Variants in EDC3 observed in about 807,000 individuals in gnomAD.
EDC3 encodes enhancer of mRNA-decapping protein 3.
EDC3 carries 20 observed loss-of-function variants against 41.8 expected under a neutral mutation model. The observed-to-expected ratio is 0.48, with a 90% CI of 0.34 to 0.70. EDC3 has a LOEUF of 0.70. Among genes scored for constraint, EDC3 ranks in the 30% least tolerant of loss-of-function variants. The pLI is 0.01. For synonymous variants in EDC3, 206 were observed against 243.2 expected, an observed-to-expected ratio of 0.85 and a Z score of 1.42; for missense variants, 444 against 636.8, an observed-to-expected ratio of 0.70 and a Z score of 3.26.
At chr15:74,676,163 A>C (rs187671521) in intron 1 of EDC3, among the ~76,000 whole-genome samples, 7 of 152,342 alleles carry the variant, frequency 4.6e-5, no homozygotes, top group African/African-American at 1.7e-4. Flanking sequence ...TATGGGTAAA[A>C]GAAGAAATCA....
intron 1 of EDC3, among the ~76,000 whole-genome samples, chr15:74,693,493 A>T (rs2063031404): frequency 6.6e-6 from 1 of 152,244 alleles, no homozygotes; most frequent in Non-Finnish European, 1.5e-5. Flanking sequence ...AAATCCAATA[A>T]GCAAACCTTC....
chr15:74,694,765 A>G (rs1031610224), intron 1 of EDC3, among the ~76,000 whole-genome samples: 3 of 152,184 alleles, frequency 2.0e-5, no homozygotes, highest in South Asian at 2.1e-4. Flanking sequence ...CAGGGGCACA[A>G]TAAGTCATGA....
Position 74,653,121 on chromosome 15 carries a change from G to A in EDC3, c.820+2612C>T, listed in dbSNP as rs550151513. Among the ~76,000 whole-genome samples, 88 of 151,424 alleles carry A rather than the reference G, an allele frequency of 5.8e-4. 1 individual carries two copies. The highest frequency in any genetic ancestry group is 1.7e-3 in the African/African-American group (71 of 41,294). ...CTTGAACCTGGGAGGTAGAGGTTGC[G>A]GTGCGCTGAGAGCTGAGATCACGCC... is the stretch of plus-strand genomic sequence containing the variant. On this transcript the variant is annotated intron_variant, in intron 4 of 6. Transcript: ENST00000315127.
At chr15:74,675,357 TA>T (rs1214718265) in intron 1 of EDC3, among the ~76,000 whole-genome samples, 2 of 151,960 alleles carry the variant, frequency 1.3e-5, no homozygotes, top group African/African-American at 4.8e-5. Context: ...AAAGATCTTA[TA>T]ATTGCTTTAA....
At chr15:74,633,645 G>A (rs530972726) in intron 6 of EDC3, among the ~76,000 whole-genome samples, 51 of 152,276 alleles carry the variant, frequency 3.3e-4, no homozygotes, top group Non-Finnish European at 1.5e-4. Flanking sequence ...TCCTGTACTG[G>A]CCTAAGAAGT....
intron 1 of EDC3, among the ~76,000 whole-genome samples, chr15:74,675,540 G>GATA (rs921441181): frequency 2.0e-5 from 3 of 148,470 alleles, no homozygotes; most frequent in Non-Finnish European, 3.0e-5. Context: ...TGCTGATGAT[G>GATA]ATAATAATAA....
chr15:74,680,709 G>C (rs755699532), intron 1 of EDC3, among the ~76,000 whole-genome samples: 8 of 152,192 alleles, frequency 5.3e-5, no homozygotes, highest in Admixed American at 1.3e-4. Context: ...CCCATTTGCA[G>C]ATGACATAAC....
At position 74,675,024 on chromosome 15, in the gene EDC3, G is replaced by C; in HGVS notation, c.101C>G (p.Thr34Ser). Residue 34 changes from threonine (T) to serine (S), a missense_variant, in exon 2 of 7, where the codon ACC becomes AGC. Physicochemically the swap from Thr to Ser is moderately conservative, Grantham distance 58. This residue lies in a region of EDC3 where 200 missense variants were observed against 244.0 expected (regional missense o/e 0.82). Transcript: ENST00000315127. Reference protein sequence around the residue: ...RVSAVDQVSQTISLTRPFHNG... With the variant: ...RVSAVDQVSQSISLTRPFHNG... ...ATGGAAAGGCCGGGTGAGAGAAATG[G>C]TCTGGCTGACCTGATCCACAGCTGA... 6.2e-7 allele frequency: 1 copy of C among 1,614,094 alleles called. No homozygotes were observed. Among genetic ancestry groups the C allele is most frequent in the Non-Finnish European group, 8.5e-7 (1 of 1,180,026 alleles).
chr15:74,638,326 C>CTTTTTTTTTTT (rs60846010), intron 5 of EDC3: 4 of 92,618 alleles, frequency 4.3e-5, no homozygotes, highest in Non-Finnish European at 6.1e-5. Flanking sequence ...AACTTCAGAT[C>CTTTTTTTTTTT]TTTTTTTTTT....
intron 5 of EDC3, chr15:74,639,639 C>T (rs2062322398): frequency 6.6e-6 from 1 of 151,192 alleles, no homozygotes; most frequent in Admixed American, 6.6e-5. Context: ...TGCTCAAGCT[C>T]AGGAGGTGGA....
intron 5 of EDC3, chr15:74,638,104 T>C (rs2141577192): frequency 6.6e-6 from 1 of 152,324 alleles, no homozygotes; most frequent in Non-Finnish European, 1.5e-5. Flanking sequence ...CAAAGACTAT[T>C]TCCTTGGTTC....
At chr15:74,660,107 G>GA (rs1192054116) in intron 3 of EDC3, among the ~76,000 whole-genome samples, 6 of 151,626 alleles carry the variant, frequency 4.0e-5, no homozygotes, top group Non-Finnish European at 8.8e-5. Context: ...TCAGGAGGCT[G>GA]AGATGGGAGG....
At chr15:74,684,838 T>C (rs1453392225) in intron 1 of EDC3, among the ~76,000 whole-genome samples, 1 of 152,108 alleles carries the variant, frequency 6.6e-6, no homozygotes, top group African/African-American at 2.4e-5. Flanking sequence ...AGGCCAGGCA[T>C]GGTGGCTCAT....
At chr15:74,677,154 C>G (rs1442135619) in intron 1 of EDC3, 2 of 151,550 alleles carry the variant, frequency 1.3e-5, no homozygotes, top group Non-Finnish European at 2.9e-5. Context: ...CCTCCACCTC[C>G]CGGGTTCAAG....
At chr15:74,649,325 CATT>C (rs1166676007) in intron 4 of EDC3, among the ~76,000 whole-genome samples, 1 of 152,002 alleles carries the variant, frequency 6.6e-6, no homozygotes, top group Non-Finnish European at 1.5e-5. Context: ...GATGGGGTCT[CATT>C]ATGTTGCTTA....
intron 4 of EDC3, chr15:74,641,804 C>G (rs2062355356): frequency 6.5e-6 from 1 of 153,132 alleles, no homozygotes; most frequent in Non-Finnish European, 1.5e-5. Context: ...TCAGCCTTCG[C>G]CTTCTCAACT....
In EDC3 at chr15:74,682,567, G is replaced by T. The variant is rs143828975; in HGVS notation, c.-18-7425C>A. Among the ~76,000 whole-genome samples the T allele has an allele frequency of 7.2e-3, 1,035 of 144,260 alleles. 13 individuals are homozygous for T. Among genetic ancestry groups the T allele is most frequent in the African/African-American group, 0.026 (1,001 of 38,738 alleles). The allele number at this position is 144,260 out of a possible 152,430, so 94.6% of individuals were successfully genotyped here. On this transcript the variant is annotated intron_variant, in intron 1 of 6. Transcript: ENST00000315127. The stretch of plus-strand genomic sequence containing the variant: ...GAAGAGGTGGAGCTTGCAGTGAGCC[G>T]AGATGGGGCCACTGCACTCCAGCCT...
intron 5 of EDC3, chr15:74,639,735 T>A (rs907734590): frequency 1.3e-5 from 2 of 149,864 alleles, no homozygotes; most frequent in East Asian, 2.0e-4. Context: ...AAAAAAAGAA[T>A]GCCTTCTTCT....
chr15:74,667,957 A>T (rs1011227152), intron 3 of EDC3, among the ~76,000 whole-genome samples: 5 of 152,170 alleles, frequency 3.3e-5, no homozygotes, highest in African/African-American at 1.2e-4. Flanking sequence ...GAGAAACTAG[A>T]TATATCCTAC....
Sources: allele counts gnomAD v4.1 joint callset (sites outside exome capture counted in the v4.1 genomes callset), GRCh38; gene constraint gnomAD v4.1.1; regional missense constraint gnomAD v4.1.1; transcripts MANE v1.5; gene names NCBI Gene and HGNC (gene_info 2026-07-23, HGNC 2026-07-21).